SYNPR: variants seen among roughly 807,000 people sequenced by gnomAD.
SYNPR encodes the protein synaptoporin.
Under a neutral mutation model 32.9 loss-of-function variants are expected in SYNPR, and 23 were observed. That is an observed-to-expected ratio of 0.70 (90% CI 0.50 to 0.99). The LOEUF (loss-of-function observed/expected upper bound fraction) is 0.99. Among genes scored for constraint, SYNPR ranks in the 50% least tolerant of loss-of-function variants. SYNPR has a pLI of 0.00. For missense variants in SYNPR, 318 were observed against 349.3 expected, an observed-to-expected ratio of 0.91 and a Z score of 0.71; for synonymous variants, 146 against 135.9, an observed-to-expected ratio of 1.07 and a Z score of -0.52.
intron 3 of SYNPR, among the ~76,000 whole-genome samples, chr3:63,505,240 C>T (rs551544660): frequency 2.0e-4 from 30 of 152,220 alleles, no homozygotes; most frequent in African/African-American, 7.2e-4. Flanking sequence ...GAAATTGACA[C>T]ATTTATAGAT....
At chr3:63,292,804 T>G (rs1346686284) in intron 2 of SYNPR, among the ~76,000 whole-genome samples, 1 of 152,226 alleles carries the variant, frequency 6.6e-6, no homozygotes, top group African/African-American at 2.4e-5. Flanking sequence ...CACATGCACA[T>G]GCACACATAT....
chr3:63,604,759 A>T (rs138894249), intron 4 of SYNPR, among the ~76,000 whole-genome samples: 11 of 152,194 alleles, frequency 7.2e-5, no homozygotes, highest in African/African-American at 2.7e-4. Context: ...TTCAATTTTA[A>T]TTACATTATT....
chr3:63,360,199 G>C (rs6445338), intron 2 of SYNPR, among the ~76,000 whole-genome samples: 124,677 of 152,144 alleles, frequency 0.82, 51,201 homozygotes, highest in East Asian at 0.98. Flanking sequence ...CCCAGTTATT[G>C]TAGCCCAAAA....
intron 2 of SYNPR, among the ~76,000 whole-genome samples, chr3:63,325,144 A>G (rs2087152604): frequency 6.6e-6 from 1 of 152,128 alleles, no homozygotes; most frequent in African/African-American, 2.4e-5. Flanking sequence ...GTATAGTATT[A>G]GTAGAAATTA....
At chr3:63,532,233 G>T (rs73831884) in intron 3 of SYNPR, among the ~76,000 whole-genome samples, 2 of 152,068 alleles carry the variant, frequency 1.3e-5, no homozygotes, top group African/African-American at 2.4e-5. Context: ...TCTTTCAATC[G>T]TATGTTCCCT....
At chr3:63,344,695 G>C (rs2087414353) in intron 2 of SYNPR, among the ~76,000 whole-genome samples, 1 of 151,734 alleles carries the variant, frequency 6.6e-6, no homozygotes, top group Non-Finnish European at 1.5e-5. Flanking sequence ...GATTCATTGA[G>C]ACAGCAGTAT....
At chr3:63,554,659 T>C (rs1379375887) in intron 3 of SYNPR, among the ~76,000 whole-genome samples, 1 of 152,158 alleles carries the variant, frequency 6.6e-6, no homozygotes, top group Non-Finnish European at 1.5e-5. Flanking sequence ...TCCAGCTTTG[T>C]TCCTTTTGCT....
At chr3:63,380,780 A>T (rs1560211179) in intron 2 of SYNPR, among the ~76,000 whole-genome samples, 1 of 152,242 alleles carries the variant, frequency 6.6e-6, no homozygotes, top group Non-Finnish European at 1.5e-5. Context: ...TCCAGCATAT[A>T]CACAGAACCA....
chr3:63,526,552 A>ATG (rs1702017266), intron 3 of SYNPR, among the ~76,000 whole-genome samples: 1 of 152,152 alleles, frequency 6.6e-6, no homozygotes, highest in Non-Finnish European at 1.5e-5. Context: ...ATTAAGGTGT[A>ATG]TGTTTATGAT....
intron 1 of SYNPR, among the ~76,000 whole-genome samples, chr3:63,249,358 G>T (rs181999960): frequency 1.6e-4 from 25 of 152,176 alleles, no homozygotes; most frequent in African/African-American, 6.0e-4. Flanking sequence ...CTTTTTGAAG[G>T]GGAGATGTGG....
chr3:63,301,339 T>C (rs1168499562), intron 2 of SYNPR, among the ~76,000 whole-genome samples: 2 of 152,128 alleles, frequency 1.3e-5, no homozygotes, highest in Non-Finnish European at 2.9e-5. Flanking sequence ...GAGAAGCTAT[T>C]TTTAAAATAT....
At chr3:63,361,341 A>G (rs57006683) in intron 2 of SYNPR, among the ~76,000 whole-genome samples, 8,513 of 152,190 alleles carry the variant, frequency 0.056, 324 homozygotes, top group East Asian at 0.15. Flanking sequence ...TAATCCCAGC[A>G]CTTTGGGAGG....
chr3:63,567,147 T>G (rs1243324360), intron 4 of SYNPR, among the ~76,000 whole-genome samples: 1 of 152,168 alleles, frequency 6.6e-6, no homozygotes, highest in East Asian at 1.9e-4. Context: ...GCTTCACTCT[T>G]TTCCCCATCA....
chr3:63,360,613 T>A (rs921131372), intron 2 of SYNPR, among the ~76,000 whole-genome samples: 2 of 152,180 alleles, frequency 1.3e-5, no homozygotes, highest in Non-Finnish European at 2.9e-5. Flanking sequence ...TTCCACCCCT[T>A]GCTTGGCACA....
chr3:63,395,132 T>A (rs981921062), intron 2 of SYNPR, among the ~76,000 whole-genome samples: 1 of 152,112 alleles, frequency 6.6e-6, no homozygotes, highest in African/African-American at 2.4e-5. Flanking sequence ...AAAAAAAAAC[T>A]TACCAGTTGC....
intron 4 of SYNPR, among the ~76,000 whole-genome samples, chr3:63,603,263 C>T (rs1051324109): frequency 6.6e-6 from 1 of 152,250 alleles, no homozygotes; most frequent in East Asian, 1.9e-4. Flanking sequence ...ATGAGATTTT[C>T]CAGGTACAGA....
At chr3:63,533,027 G>T (rs1039748942) in intron 3 of SYNPR, among the ~76,000 whole-genome samples, 1 of 152,070 alleles carries the variant, frequency 6.6e-6, no homozygotes, top group Non-Finnish European at 1.5e-5. Context: ...TGTTCCCATT[G>T]CACTTGACCT....
At chr3:63,556,871 C>T (rs1702604297) in intron 4 of SYNPR, 130 bp downstream of exon 4, 6 of 928,024 alleles carry the variant, frequency 6.5e-6, no homozygotes, top group African/African-American at 5.0e-5. Flanking sequence ...CTTTTTTATC[C>T]AAATCTCTCG....
Position 63,371,247 on chromosome 3 carries a change from G to T in SYNPR, c.84+92505G>T, listed in dbSNP as rs1322203679. On this transcript the variant is annotated intron_variant, in intron 2 of 5. Coordinates refer to ENST00000478300, the MANE Select transcript of SYNPR (RefSeq NM_001130003.2). The stretch of plus-strand genomic sequence containing the variant: ...CCCCCTGTGAGCCCACCCCACAGGG[G>T]CCTCCAGACTGACACCGAGAGCTCT... 7.9e-5 allele frequency among the ~76,000 whole-genome samples: 12 copies of T among 151,878 alleles called. 2 individuals are homozygous for T. In the South Asian group the frequency reaches 1.9e-3, roughly 24 times the overall value.
Sources: gnomAD v4.1 joint callset for allele counts (sites outside exome capture counted in the v4.1 genomes callset) on GRCh38, gnomAD v4.1.1 for gene constraint, MANE v1.5 for transcripts, NCBI Gene and HGNC (gene_info 2026-07-23, HGNC 2026-07-21) for gene names.